The following GPD2 variants were observed in gnomAD, a reference collection of about 807,000 sequenced individuals.
The protein encoded by GPD2 is glycerol-3-phosphate dehydrogenase, mitochondrial.
Under a neutral mutation model 82.4 loss-of-function variants are expected in GPD2, and 54 were observed. That is an observed-to-expected ratio of 0.66 (90% CI 0.53 to 0.82). The LOEUF (loss-of-function observed/expected upper bound fraction) is 0.82, where lower values mean the gene tolerates loss of function less well. Ranked by LOEUF, GPD2 falls within the 40% of genes least tolerant of loss-of-function variation. The pLI, the probability that GPD2 is intolerant of heterozygous loss-of-function variation, is 0.00. For missense variants in GPD2, 748 were observed against 896.2 expected, an observed-to-expected ratio of 0.83 and a Z score of 2.11; for synonymous variants, 288 against 306.1, an observed-to-expected ratio of 0.94 and a Z score of 0.62.
At chr2:156,489,696 CT>C (rs1684084169) in intron 2 of GPD2, among the ~76,000 whole-genome samples, 1 of 23,470 alleles carries the variant, frequency 4.3e-5, no homozygotes, top group African/African-American at 1.6e-4. Flanking sequence ...TTCTTCCTTC[CT>C]TCCTTCCTTC....
At chr2:156,516,933 C>A (rs1014782877) in intron 6 of GPD2, among the ~76,000 whole-genome samples, 1 of 152,146 alleles carries the variant, frequency 6.6e-6, no homozygotes, top group African/African-American at 2.4e-5. Context: ...GTATCTTCAA[C>A]GCAGAGATGT....
intron 4 of GPD2, among the ~76,000 whole-genome samples, chr2:156,511,168 T>C (rs892379435): frequency 2.0e-5 from 3 of 152,238 alleles, no homozygotes; most frequent in African/African-American, 7.2e-5. Context: ...AAAATCACTT[T>C]TGAATGTGTT....
chr2:156,401,149 C>A, the GPD2 span, among the ~76,000 whole-genome samples: 1 of 152,148 alleles, frequency 6.6e-6, no homozygotes, highest in Non-Finnish European at 1.5e-5. Flanking sequence ...TCAAAACTTG[C>A]ATTGGCCGGG....
chr2:156,440,350 A>G (rs1163525211), intron 1 of GPD2, among the ~76,000 whole-genome samples: 1 of 152,262 alleles, frequency 6.6e-6, no homozygotes, highest in Non-Finnish European at 1.5e-5. Flanking sequence ...CTATATGACC[A>G]GGGAGTGATC....
intron 6 of GPD2, among the ~76,000 whole-genome samples, chr2:156,534,514 T>A (rs2105311232): frequency 6.6e-6 from 1 of 152,312 alleles, no homozygotes; most frequent in Middle Eastern, 3.4e-3. Flanking sequence ...TCAAAATGAG[T>A]ATCAATACTC....
intron 4 of GPD2, among the ~76,000 whole-genome samples, chr2:156,511,378 C>T (rs536412877): frequency 6.6e-6 from 1 of 152,192 alleles, no homozygotes; most frequent in Non-Finnish European, 1.5e-5. Flanking sequence ...TTATGTCACA[C>T]TTTATTGTGT....
chr2:156,499,674 T>C (rs180890941), intron 3 of GPD2, among the ~76,000 whole-genome samples: 1 of 152,254 alleles, frequency 6.6e-6, no homozygotes, highest in African/African-American at 2.4e-5. Context: ...TGTGTTTATA[T>C]CAATCTTTAC....
chr2:156,457,963 G>T (rs939583640), intron 1 of GPD2, among the ~76,000 whole-genome samples: 6 of 152,224 alleles, frequency 3.9e-5, no homozygotes, highest in African/African-American at 1.2e-4. Context: ...TAGTCACACA[G>T]CTAGTAAGTG....
chr2:156,513,638 C>T, intron 6 of GPD2, 142 bp downstream of exon 6: 1 of 700,872 alleles, frequency 1.4e-6, no homozygotes, highest in Non-Finnish European at 2.5e-6. Context: ...CGCACATATT[C>T]ACCATTTTCT....
intron 1 of GPD2, among the ~76,000 whole-genome samples, chr2:156,460,976 G>A (rs1682967484): frequency 6.6e-6 from 1 of 151,876 alleles, no homozygotes; most frequent in African/African-American, 2.4e-5. Flanking sequence ...TACTCATTAT[G>A]AACATGGCTA....
the GPD2 span, among the ~76,000 whole-genome samples, chr2:156,405,903 T>C: frequency 9.2e-5 from 14 of 152,310 alleles, no homozygotes; most frequent in African/African-American, 3.1e-4. Context: ...TCATAGCACC[T>C]TGGAGCACTT....
intron 3 of GPD2, among the ~76,000 whole-genome samples, chr2:156,509,627 G>A (rs1003466950): frequency 2.6e-4 from 40 of 152,010 alleles, no homozygotes; most frequent in Non-Finnish European, 8.8e-5. Context: ...CAGTCCTGAA[G>A]AGGCAGGGTG....
At chr2:156,541,202 G>A (rs1686296422) in intron 6 of GPD2, among the ~76,000 whole-genome samples, 1 of 152,160 alleles carries the variant, frequency 6.6e-6, no homozygotes. Flanking sequence ...TCATAGATGT[G>A]GGACTTGAAC....
intron 6 of GPD2, among the ~76,000 whole-genome samples, chr2:156,525,354 G>A (rs1484193715): frequency 2.0e-5 from 3 of 152,066 alleles, no homozygotes; most frequent in East Asian, 1.9e-4. Flanking sequence ...AAGATACTCC[G>A]GTTTCATCTT....
chr2:156,532,256 C>G (rs976986730), intron 6 of GPD2, among the ~76,000 whole-genome samples: 1 of 152,324 alleles, frequency 6.6e-6, no homozygotes. Context: ...GTCCTCTCAC[C>G]TTGGCCTCCC....
chr2:156,465,117 C>G (rs1010340187), intron 1 of GPD2, among the ~76,000 whole-genome samples: 16 of 152,184 alleles, frequency 1.1e-4, no homozygotes, highest in African/African-American at 3.9e-4. Flanking sequence ...TCCCAGAGTG[C>G]TGGGATTACA....
intron 9 of GPD2, among the ~76,000 whole-genome samples, chr2:156,560,141 G>T (rs1687114294): frequency 6.6e-6 from 1 of 152,162 alleles, no homozygotes; most frequent in Admixed American, 6.5e-5. Context: ...TCCTTATCCT[G>T]CTAAGAAGCT....
chr2:156,426,802 G>A, the GPD2 span, among the ~76,000 whole-genome samples: 1 of 147,744 alleles, frequency 6.8e-6, no homozygotes, highest in South Asian at 2.3e-4. Flanking sequence ...TGGAAAGAAA[G>A]GTACAATCCC....
upstream of GPD2, among the ~76,000 whole-genome samples, chr2:156,434,017 AT>A (rs1253209603): frequency 1.3e-5 from 2 of 152,172 alleles, no homozygotes; most frequent in African/African-American, 4.8e-5. Context: ...AATGATAAAA[AT>A]ATTGGTTTGA....
Sources: gnomAD v4.1 joint callset for allele counts (sites outside exome capture counted in the v4.1 genomes callset) on GRCh38, gnomAD v4.1.1 for gene constraint, MANE v1.5 for transcripts, NCBI Gene and HGNC (gene_info 2026-07-23, HGNC 2026-07-21) for gene names.